DISC1: variants seen among roughly 807,000 people sequenced by gnomAD.
The protein encoded by DISC1 is disrupted in schizophrenia 1 protein.
A neutral mutation model predicts 84.5 loss-of-function variants in DISC1; 57 were observed. The observed-to-expected ratio is 0.67, with a 90% CI of 0.55 to 0.84. The LOEUF (loss-of-function observed/expected upper bound fraction) is 0.84, where lower values mean the gene tolerates loss of function less well. Ranked by LOEUF, DISC1 falls within the 40% of genes least tolerant of loss-of-function variation. The pLI is 0.00. For synonymous variants in DISC1, 411 were observed against 415.2 expected (o/e 0.99, Z 0.12); for missense variants, 1,000 against 1,057.8 (o/e 0.95, Z 0.76).
chr1:232,003,257 A>G (rs530652540), intron 10 of DISC1, among the ~76,000 whole-genome samples: 1 of 152,304 alleles, frequency 6.6e-6, no homozygotes, highest in South Asian at 2.1e-4. Flanking sequence ...AAAATATGCA[A>G]ATAAACTGAA....
In DISC1 at chr1:231,950,204, C is replaced by CTGTGTGTGTGTGTG. The variant is rs59801477; in HGVS notation, c.1982-8593_1982-8580dup. ...CTATAAAAAAGAATGAAAAAAAATT[C>CTGTGTGTGTGTGTG]TGTGTGTGTGTGTGTGTGTGTGTGT... On this transcript the variant is annotated intron_variant, in intron 9 of 12. Coordinates refer to ENST00000439617, the MANE Select transcript of DISC1 (RefSeq NM_018662.3). Among the ~76,000 whole-genome samples the CTGTGTGTGTGTGTG allele has an allele frequency of 3.7e-3, 522 of 139,506 alleles. 8 individuals carry two copies. The highest frequency in any genetic ancestry group is 0.027 in the East Asian group (128 of 4,678). The allele number at this position is 139,506 out of a possible 152,430, so 91.5% of individuals were successfully genotyped here.
chr1:232,026,129 C>G (rs898710568), intron 11 of DISC1, among the ~76,000 whole-genome samples: 1 of 152,152 alleles, frequency 6.6e-6, no homozygotes, highest in African/African-American at 2.4e-5. Context: ...CCCATTGATA[C>G]AGCTGGAAGA....
chr1:231,992,868 T>C (rs1372329206), intron 10 of DISC1, among the ~76,000 whole-genome samples: 3 of 152,240 alleles, frequency 2.0e-5, no homozygotes, highest in Non-Finnish European at 4.4e-5. Flanking sequence ...TGAGTTCTTA[T>C]AGTGGATGAC....
At chr1:231,959,165 A>G in intron 10 of DISC1, 5 of 1,099,508 alleles carry the variant, frequency 4.5e-6, no homozygotes, top group Non-Finnish European at 4.4e-6. Context: ...TCTTTACTAT[A>G]TTAAATTCAG....
intron 9 of DISC1, among the ~76,000 whole-genome samples, chr1:231,905,801 T>C (rs974325456): frequency 6.6e-6 from 1 of 152,074 alleles, no homozygotes; most frequent in African/African-American, 2.4e-5. Context: ...TCGATGGTAG[T>C]AGTCTATCAT....
At chr1:231,779,559 T>C (rs541501744) in intron 6 of DISC1, among the ~76,000 whole-genome samples, 1 of 140,410 alleles carries the variant, frequency 7.1e-6, no homozygotes, top group Non-Finnish European at 1.5e-5. Context: ...GTTTTTTTTT[T>C]TTTTTTTTTT....
intron 10 of DISC1, among the ~76,000 whole-genome samples, chr1:231,971,245 C>A (rs1661912039): frequency 6.6e-6 from 1 of 152,086 alleles, no homozygotes. Flanking sequence ...AGGTAGATAA[C>A]AAATTTGTCA....
intron 3 of DISC1, among the ~76,000 whole-genome samples, chr1:231,704,409 G>A (rs2066772162): frequency 6.6e-6 from 1 of 152,150 alleles, no homozygotes; most frequent in South Asian, 2.1e-4. Context: ...GTATACAACA[G>A]CACTTCTCAG....
chr1:231,657,982 T>C (rs1392041946), intron 1 of DISC1, among the ~76,000 whole-genome samples: 2 of 152,246 alleles, frequency 1.3e-5, no homozygotes, highest in African/African-American at 4.8e-5. Flanking sequence ...TGGTTCCACA[T>C]GAATTTTAAA....
rs1162358718 is a variant in DISC1 at position 231,675,151 on chromosome 1, A to C, written c.68-18675A>C. 6.6e-6 allele frequency among the ~76,000 whole-genome samples: 1 copy of C among 152,196 alleles called. No individual in the cohort carries two copies. The highest frequency in any genetic ancestry group is 1.5e-5 in the Non-Finnish European group (1 of 68,036). On this transcript the variant is annotated intron_variant, in intron 1 of 12. Coordinates refer to ENST00000439617, the MANE Select transcript of DISC1 (RefSeq NM_018662.3). This position sits in a 1 kb window ranked among gnomAD's most constrained non-coding sequence, Gnocchi z 4.1. ...AAAGCTGAGACCCTTGATACTCTGC[A>C]CACGGCTAGTATGGGCTTTATACAG...
At chr1:231,884,628 G>T (rs12075088) in intron 9 of DISC1, among the ~76,000 whole-genome samples, 2,601 of 152,158 alleles carry the variant, frequency 0.017, 69 homozygotes, top group African/African-American at 0.06. Flanking sequence ...ATAGACGCTG[G>T]GGCCTACTTG....
At chr1:231,639,020 G>T (rs1319450570) in intron 1 of DISC1, among the ~76,000 whole-genome samples, 1 of 152,170 alleles carries the variant, frequency 6.6e-6, no homozygotes, top group Non-Finnish European at 1.5e-5. Context: ...GAATTGGGTT[G>T]CTTTAAAACA....
At chr1:231,996,803 A>G (rs913111481) in intron 10 of DISC1, among the ~76,000 whole-genome samples, 2 of 152,142 alleles carry the variant, frequency 1.3e-5, no homozygotes, top group African/African-American at 4.8e-5. Flanking sequence ...GTGAATATCA[A>G]TTCTGTTCTC....
chr1:232,031,223 AAG>A lies in DISC1; in HGVS notation c.2425+4681_2425+4682del, dbSNP rs372487775. Among the ~76,000 whole-genome samples, 12 of 147,162 alleles carry A rather than the reference AAG, an allele frequency of 8.2e-5. No homozygotes were observed. The highest frequency in any genetic ancestry group is 1.5e-4 in the African/African-American group (6 of 39,608). On this transcript the variant is annotated intron_variant, in intron 12 of 12. Transcript: ENST00000439617. This position sits in a 1 kb window ranked among gnomAD's most constrained non-coding sequence, Gnocchi z 4.6. The stretch of plus-strand genomic sequence containing the variant: ...AGAGAGAGGAAGGAAGGAAGGGAGA[AAG>A]AGAGAGAGAAAGAGAGGAAGGAAGG...
chr1:231,791,348 T>G (rs2078336534), intron 6 of DISC1, among the ~76,000 whole-genome samples: 2 of 152,208 alleles, frequency 1.3e-5, no homozygotes, highest in Admixed American at 6.5e-5. Context: ...GGGTTACTGT[T>G]TAATCTCCCA....
chr1:231,936,960 C>T (rs2091018048), intron 9 of DISC1, among the ~76,000 whole-genome samples: 1 of 152,164 alleles, frequency 6.6e-6, no homozygotes, highest in Non-Finnish European at 1.5e-5. Context: ...AGGAGTCACC[C>T]TCCAACTGAC....
In DISC1 at chr1:231,908,640, C is replaced by T. The variant is rs548244824; in HGVS notation, c.1982-50188C>T. 3.3e-5 allele frequency among the ~76,000 whole-genome samples: 5 copies of T among 152,296 alleles called. No individual in the cohort carries two copies. In the East Asian group the frequency reaches 9.7e-4, roughly 29 times the overall value. The stretch of plus-strand genomic sequence containing the variant: ...CTTTGTTCTTTTGGCTTAGGATTGT[C>T]TTGGCAATGTGGGCTCCTTTTTGGT... On this transcript the variant is annotated intron_variant, in intron 9 of 12. Coordinates refer to ENST00000439617, the MANE Select transcript of DISC1 (RefSeq NM_018662.3).
Position 232,008,939 on chromosome 1 carries a change from C to G in DISC1, c.2197C>G (p.Pro733Ala). 3 of 1,613,420 alleles carry G rather than the reference C, an allele frequency of 1.9e-6. No individual in the cohort carries two copies. Among genetic ancestry groups the G allele is most frequent in the East Asian group, 4.5e-5 (2 of 44,846 alleles). ...DDLEGAAPPI[P>A]PRLHSEDKRK... The stretch of plus-strand genomic sequence containing the variant: ...CTTAGAGGGAGCTGCTCCTCCTATT[C>G]CCCCCAGGCTCCACTCCGAGGATAA... The change falls in exon 11 of 13, where the codon CCC becomes GCC. Residue 733 changes from proline to alanine, a missense_variant. By Grantham distance (27) the Pro-to-Ala change is conservative. Transcript: ENST00000439617.
rs192029682 is a variant in DISC1, at chr1:231,864,401, C to G, written c.1981+45884C>G. ...GGGGTGGGCCGGGCGCAGTGGCTCA[C>G]GCCTGTAATCCCAGCACTTTGGGAG... On this transcript the variant is annotated intron_variant, in intron 9 of 12. Transcript: ENST00000439617. Among the ~76,000 whole-genome samples the G allele has an allele frequency of 3.3e-5, 5 of 152,124 alleles. No homozygotes were observed. In the East Asian group the frequency reaches 9.6e-4, roughly 29 times the overall value.
Sources: gnomAD v4.1 joint callset for allele counts (sites outside exome capture counted in the v4.1 genomes callset) on GRCh38, gnomAD v4.1.1 for gene constraint, Gnocchi (gnomAD v3.1) non-coding constraint, MANE v1.5 for transcripts, NCBI Gene and HGNC (gene_info 2026-07-23, HGNC 2026-07-21) for gene names.